SDK1: variants seen among roughly 807,000 people sequenced by gnomAD.
SDK1 encodes sidekick cell adhesion molecule 1, also known as protein sidekick-1.
A neutral mutation model predicts 245.5 loss-of-function variants in SDK1; 157 were observed. That is an observed-to-expected ratio of 0.64 (90% CI 0.56 to 0.73). The LOEUF is 0.73. Ranked by LOEUF, SDK1 falls within the 30% of genes least tolerant of loss-of-function variation. SDK1 has a pLI of 0.00. For missense variants in SDK1, 3,583 were observed against 3,002.3 expected (o/e 1.19, Z -4.52); for synonymous variants, 1,647 against 1,278.5 (o/e 1.29, Z -6.15).
chr7:3,398,771 T>G (rs1562463010), intron 1 of SDK1, among the ~76,000 whole-genome samples: 1 of 148,914 alleles, frequency 6.7e-6, no homozygotes, highest in Non-Finnish European at 1.5e-5. Context: ...CCCAGTAGTT[T>G]TTTTTTTTTT....
intron 4 of SDK1, among the ~76,000 whole-genome samples, chr7:3,764,831 A>G (rs1780208061): frequency 6.6e-6 from 1 of 152,064 alleles, no homozygotes; most frequent in African/African-American, 2.4e-5. Flanking sequence ...TCAGAAACAG[A>G]TAGGAAAATC....
At chr7:3,344,520 AG>A (rs1195264889) in intron 1 of SDK1, among the ~76,000 whole-genome samples, 1 of 152,242 alleles carries the variant, frequency 6.6e-6, no homozygotes, top group Non-Finnish European at 1.5e-5. Context: ...GAAGCTTAAA[AG>A]AAGAATTGTA....
chr7:3,643,821 C>T (rs1225084794), intron 4 of SDK1: 1 of 151,400 alleles, frequency 6.6e-6, no homozygotes, highest in Non-Finnish European at 1.5e-5. Context: ...TGTCTCCAGT[C>T]TTCTAGTTCT....
chr7:4,150,044 T>C (rs1780250728), intron 30 of SDK1, among the ~76,000 whole-genome samples: 1 of 152,082 alleles, frequency 6.6e-6, no homozygotes, highest in Admixed American at 6.5e-5. Flanking sequence ...GCATTGACAA[T>C]AGCAGCGGCG....
chr7:3,504,530 C>T (rs1198666138), intron 1 of SDK1, among the ~76,000 whole-genome samples: 1 of 151,896 alleles, frequency 6.6e-6, no homozygotes. Context: ...ATTGATTTTC[C>T]AGAAGAATGC....
rs77551649 is a variant in SDK1 at position 3,359,069 on chromosome 7, G to A, written c.298+57185G>A. Among the ~76,000 whole-genome samples, 71 of 152,224 alleles carry A rather than the reference G, an allele frequency of 4.7e-4. 1 individual carries two copies. The East Asian group carries it at 0.011, about 23-fold the overall frequency. On this transcript the variant is annotated intron_variant, in intron 1 of 44. Coordinates refer to ENST00000404826, the MANE Select transcript of SDK1 (RefSeq NM_152744.4). ...ATTTTCCTCATCATAGAACCTTATG[G>A]CATCACCTTGGAGACACAGCGTTAG...
intron 1 of SDK1, among the ~76,000 whole-genome samples, chr7:3,371,622 G>C (rs1355436314): frequency 6.6e-6 from 1 of 152,126 alleles, no homozygotes; most frequent in Non-Finnish European, 1.5e-5. Flanking sequence ...ATAATCAGAA[G>C]ACTTGATCTC....
chr7:3,454,518 C>T (rs1250208835), intron 1 of SDK1, among the ~76,000 whole-genome samples: 3 of 151,900 alleles, frequency 2.0e-5, no homozygotes, highest in Non-Finnish European at 2.9e-5. Flanking sequence ...GCAAGAGTCC[C>T]TTGGGTTGTC....
At chr7:4,084,555 C>G (rs59396858) in intron 22 of SDK1, among the ~76,000 whole-genome samples, 35,320 of 152,008 alleles carry the variant, frequency 0.23, 4,631 homozygotes, top group African/African-American at 0.34. Flanking sequence ...TCGCTCCCAG[C>G]TGGTCCCTGC....
chr7:3,373,248 C>G (rs1254450289), intron 1 of SDK1, among the ~76,000 whole-genome samples: 1 of 152,154 alleles, frequency 6.6e-6, no homozygotes, highest in African/African-American at 2.4e-5. Context: ...TCACCTAACA[C>G]GAATCCTGTC....
chr7:3,405,751 C>G (rs1583810683), intron 1 of SDK1, among the ~76,000 whole-genome samples: 1 of 151,304 alleles, frequency 6.6e-6, no homozygotes, highest in Non-Finnish European at 1.5e-5. Context: ...CTTGATTGTA[C>G]TTAGTTATTT....
At chr7:3,909,051 T>C (rs6962750) in intron 5 of SDK1, among the ~76,000 whole-genome samples, 33,479 of 152,132 alleles carry the variant, frequency 0.22, 3,874 homozygotes, top group Middle Eastern at 0.34. Flanking sequence ...CCCCTCTGGC[T>C]GTGCCTTTTG....
intron 5 of SDK1, among the ~76,000 whole-genome samples, chr7:3,833,119 A>G (rs2115076597): frequency 6.6e-6 from 1 of 152,180 alleles, no homozygotes; most frequent in Non-Finnish European, 1.5e-5. Context: ...TTTTCTAGGG[A>G]GGAAGATACA....
intron 1 of SDK1, among the ~76,000 whole-genome samples, chr7:3,361,473 G>A (rs1027204578): frequency 2.4e-4 from 36 of 152,216 alleles, no homozygotes; most frequent in African/African-American, 8.2e-4. Flanking sequence ...ATCTCTGCCT[G>A]CCTTGGGTTT....
intron 5 of SDK1, among the ~76,000 whole-genome samples, chr7:3,915,074 G>T (rs573167032): frequency 6.6e-6 from 1 of 152,298 alleles, no homozygotes; most frequent in South Asian, 2.1e-4. Context: ...TTGTACGGCC[G>T]TGGAATCTGA....
chr7:3,646,806 C>T (rs1469891656), intron 4 of SDK1, among the ~76,000 whole-genome samples: 1 of 151,996 alleles, frequency 6.6e-6, no homozygotes, highest in African/African-American at 2.4e-5. Context: ...AAAGTAGAGA[C>T]AATCTACAAT....
chr7:3,444,747 A>G (rs1780296136), intron 1 of SDK1, among the ~76,000 whole-genome samples: 1 of 152,200 alleles, frequency 6.6e-6, no homozygotes, highest in African/African-American at 2.4e-5. Context: ...TGGGTGACCA[A>G]CTTGGCTAAT....
At chr7:3,947,530 T>TCGTGTGTG (rs1554286519) in intron 5 of SDK1, among the ~76,000 whole-genome samples, 1 of 140,376 alleles carries the variant, frequency 7.1e-6, no homozygotes, top group Non-Finnish European at 1.5e-5. Context: ...AAGTATTTGC[T>TCGTGTGTG]TGTGTGTGTG....
intron 44 of SDK1, among the ~76,000 whole-genome samples, chr7:4,251,328 C>A (rs1251015742): frequency 2.6e-5 from 4 of 152,164 alleles, no homozygotes; most frequent in Non-Finnish European, 5.9e-5. Flanking sequence ...GAATACAGAG[C>A]AAAATCACAA....
Sources: allele counts gnomAD v4.1 joint callset (sites outside exome capture counted in the v4.1 genomes callset), GRCh38; gene constraint gnomAD v4.1.1; transcripts MANE v1.5; gene names NCBI Gene and HGNC (gene_info 2026-07-23, HGNC 2026-07-21).